Variants in LRRC2 observed in about 807,000 individuals in gnomAD.
LRRC2 encodes leucine rich repeat containing 2.
A neutral mutation model predicts 40.2 loss-of-function variants in LRRC2; 27 were observed. The ratio of observed to expected loss-of-function variants is 0.67; its 90% CI spans 0.49 to 0.93. The LOEUF (loss-of-function observed/expected upper bound fraction) is 0.93, where lower values mean the gene tolerates loss of function less well. Among genes scored for constraint, LRRC2 ranks in the 40% least tolerant of loss-of-function variants. LRRC2 has a pLI of 0.00. For missense variants in LRRC2, 402 were observed against 439.6 expected, an observed-to-expected ratio of 0.91 and a Z score of 0.76; for synonymous variants, 147 against 158.9, an observed-to-expected ratio of 0.92 and a Z score of 0.56.
intron 8 of LRRC2, 62 bp downstream of exon 8, chr3:46,521,460 T>C: frequency 7.7e-7 from 1 of 1,297,534 alleles, no homozygotes; most frequent in Non-Finnish European, 1.0e-6. Flanking sequence ...TATTAACAAA[T>C]GTATTACATA....
chr3:46,524,403 TG>T (rs1032549226), intron 7 of LRRC2, among the ~76,000 whole-genome samples: 34 of 152,252 alleles, frequency 2.2e-4, no homozygotes, highest in African/African-American at 7.7e-4. Context: ...AGGAGGAGGT[TG>T]GGGGGTGCCT....
At chr3:46,525,335 C>A (rs912222788) in intron 7 of LRRC2, among the ~76,000 whole-genome samples, 3 of 151,692 alleles carry the variant, frequency 2.0e-5, no homozygotes, top group Admixed American at 1.3e-4. Flanking sequence ...ACTGTAACAT[C>A]GAACTCCTGG....
rs1432515947 is a variant in LRRC2, at chr3:46,517,075, G to GTCA, written c.*1938_*1939insTGA. ...TAAATTTAATTGAATTGAAAGATGG[G>GTCA]TTCTTCAATCACATCAGTCATTGTT... is the stretch of plus-strand genomic sequence containing the variant. On this transcript the variant is annotated 3_prime_UTR_variant, in exon 9 of 9. Coordinates refer to ENST00000395905, the MANE Select transcript of LRRC2 (RefSeq NM_024512.5). 1 of 152,112 alleles carries GTCA rather than the reference G, an allele frequency of 6.6e-6. No individual in the cohort carries two copies. The highest frequency in any genetic ancestry group is 1.5e-5 in the Non-Finnish European group (1 of 68,042). The allele number at this position is 152,112 out of a possible 1,614,324, so 9.4% of individuals were successfully genotyped here.
At chr3:46,553,457 C>A (rs1315107038) in intron 1 of LRRC2, among the ~76,000 whole-genome samples, 2 of 152,076 alleles carry the variant, frequency 1.3e-5, no homozygotes, top group Non-Finnish European at 2.9e-5. Context: ...TCTTCTTTTT[C>A]TTTTTCTTTC....
intron 4 of LRRC2, 118 bp downstream of exon 4, chr3:46,538,927 A>AAC (rs998545730): frequency 8.5e-7 from 1 of 1,174,474 alleles, no homozygotes; most frequent in African/African-American, 1.5e-5. Flanking sequence ...GGCCCTGCCC[A>AAC]ACCACTTCCT....
At chr3:46,524,321 C>G (rs79845527) in intron 7 of LRRC2, among the ~76,000 whole-genome samples, 7,456 of 152,264 alleles carry the variant, frequency 0.049, 648 homozygotes, top group African/African-American at 0.17. Context: ...TCCAGGCTAC[C>G]TTAGAGAAAA....
chr3:46,545,401 G>T (rs1704504178), intron 2 of LRRC2, 148 bp from the exon 3 acceptor site: 1 of 658,276 alleles, frequency 1.5e-6, no homozygotes. Flanking sequence ...TCCCTGCTGT[G>T]GGGGTGCAGG....
At chr3:46,524,632 A>G (rs919778607) in intron 7 of LRRC2, among the ~76,000 whole-genome samples, 1 of 152,172 alleles carries the variant, frequency 6.6e-6, no homozygotes, top group African/African-American at 2.4e-5. Context: ...GATTTCTCAT[A>G]TTTTAAATTT....
Position 46,545,158 on chromosome 3 carries a change from C to A in LRRC2, c.221G>T (p.Arg74Leu). Residue 74 changes from arginine to leucine, a missense_variant, in exon 3 of 9, where the codon CGG becomes CTG. By Grantham distance (102) the Arg-to-Leu change is moderately radical. Transcript: ENST00000395905. ...CKNGFIDTSVRLLDKIERNTL... is the reference protein window; with the variant it reads ...CKNGFIDTSVLLLDKIERNTL... ...GTTCCTTTCAATCTTGTCCAGAAGCCGCACGCTGGTGTCTATGAAGCCATT... is the reference window on the plus strand; with the variant it reads ...GTTCCTTTCAATCTTGTCCAGAAGCAGCACGCTGGTGTCTATGAAGCCATT... 1 of 1,614,160 alleles carries A rather than the reference C, an allele frequency of 6.2e-7. No individual in the cohort carries two copies. The highest frequency in any genetic ancestry group is 8.5e-7 in the Non-Finnish European group (1 of 1,180,026).
At chr3:46,531,815 C>G (rs1575347984) in intron 5 of LRRC2, among the ~76,000 whole-genome samples, 1 of 152,258 alleles carries the variant, frequency 6.6e-6, no homozygotes, top group East Asian at 1.9e-4. Context: ...AATGCCCCTT[C>G]TAGGATGGCA....
At chr3:46,541,731 G>A (rs1203297145) in intron 3 of LRRC2, among the ~76,000 whole-genome samples, 3 of 152,044 alleles carry the variant, frequency 2.0e-5, no homozygotes, top group East Asian at 1.9e-4. Context: ...GAAAGAGATC[G>A]GGTTCAAAGT....
intron 4 of LRRC2, among the ~76,000 whole-genome samples, chr3:46,534,331 G>A (rs1220730386): frequency 6.6e-6 from 1 of 152,022 alleles, no homozygotes; most frequent in African/African-American, 2.4e-5. Context: ...TATCATTGAT[G>A]GGCATTTGGG....
At chr3:46,551,644 T>C (rs984561015) in intron 1 of LRRC2, 34 bp from the exon 2 acceptor site, 10 of 1,498,930 alleles carry the variant, frequency 6.7e-6, no homozygotes, top group African/African-American at 1.4e-5. Context: ...GTCAGCTTGA[T>C]ACACAAACAG....
In LRRC2 at chr3:46,539,139, C is replaced by T. The variant is rs185194986; in HGVS notation, c.396G>A (p.Leu132=). 6.2e-7 allele frequency: 1 copy of T among 1,613,900 alleles called. No homozygotes were observed. The highest frequency in any genetic ancestry group is 1.7e-5 in the Admixed American group (1 of 59,988). ...HLREWYISNT[L]IQIIPTYIQL... ...GAATATATGTAGGAATGATTTGAAT[C>T]AAGGTATTGCTTATGTACCATTCTC... Residue 132 remains leucine, a synonymous_variant, in exon 4 of 9, where the codon TTG becomes TTA. Coordinates refer to ENST00000395905, the MANE Select transcript of LRRC2 (RefSeq NM_024512.5).
intron 7 of LRRC2, 29 bp from the exon 8 acceptor site, chr3:46,521,687 A>T (rs751916056): frequency 6.3e-7 from 1 of 1,585,498 alleles, no homozygotes; most frequent in East Asian, 2.2e-5. Flanking sequence ...GAAGTATCAC[A>T]TTATCACCTG....
chr3:46,534,441 T>TC (rs1704234113), intron 4 of LRRC2, among the ~76,000 whole-genome samples: 1 of 136,956 alleles, frequency 7.3e-6, no homozygotes, highest in South Asian at 2.1e-4. Flanking sequence ...TCTTTCTTTC[T>TC]TTCTTTCTTT....
At chr3:46,551,098 C>T (rs1400502348) in intron 2 of LRRC2, 1 of 162,146 alleles carries the variant, frequency 6.2e-6, no homozygotes, top group Admixed American at 6.4e-5. Context: ...AACAGAGTAG[C>T]CCCAAGCTGC....
At chr3:46,548,458 G>A (rs142642373) in intron 2 of LRRC2, among the ~76,000 whole-genome samples, 30 of 151,642 alleles carry the variant, frequency 2.0e-4, no homozygotes, top group African/African-American at 6.3e-4. Context: ...AATAAAATTC[G>A]TTGTCTTTTC....
intron 6 of LRRC2, 152 bp from the exon 7 acceptor site, chr3:46,527,733 C>CT: frequency 1.5e-6 from 1 of 655,688 alleles, no homozygotes; most frequent in African/African-American, 1.8e-5. Flanking sequence ...TTTTGTTCTT[C>CT]GTTTTTTTTT....
Sources: gnomAD v4.1 joint callset for allele counts (sites outside exome capture counted in the v4.1 genomes callset) on GRCh38, gnomAD v4.1.1 for gene constraint, MANE v1.5 for transcripts, NCBI Gene and HGNC (gene_info 2026-07-23, HGNC 2026-07-21) for gene names.